The following CLDN16 variants were observed in gnomAD, a reference collection of about 807,000 sequenced individuals.
CLDN16 encodes claudin-16.
In CLDN16, 13 loss-of-function variants were observed where a neutral mutation model predicts 24.6. That is an observed-to-expected ratio of 0.53 (90% CI 0.34 to 0.84). CLDN16 has a LOEUF of 0.84. Among genes scored for constraint, CLDN16 ranks in the 40% least tolerant of loss-of-function variants. The pLI is 0.01. For synonymous variants in CLDN16, 116 were observed against 106.7 expected (o/e 1.09, Z -0.54); for missense variants, 298 against 292.7 (o/e 1.02, Z -0.13).
At chr3:190,334,488 A>G (rs1717255250) in intron 1 of CLDN16, among the ~76,000 whole-genome samples, 1 of 152,222 alleles carries the variant, frequency 6.6e-6, no homozygotes, top group African/African-American at 2.4e-5. Flanking sequence ...CAAGCACTGG[A>G]CAATTTTTTG....
chr3:190,322,480 T>G (rs1716956718), upstream of CLDN16: 2 of 468,448 alleles, frequency 4.3e-6, no homozygotes, highest in Non-Finnish European at 7.8e-6. Context: ...TTAAAGCAGC[T>G]CCGCCCGCCT....
At chr3:190,361,272 TCA>T (rs1303774554) in intron 1 of CLDN16, among the ~76,000 whole-genome samples, 1 of 152,002 alleles carries the variant, frequency 6.6e-6, no homozygotes, top group Non-Finnish European at 1.5e-5. Flanking sequence ...TTGCATTATC[TCA>T]GTTAGTCCTT....
intron 1 of CLDN16, among the ~76,000 whole-genome samples, chr3:190,335,708 C>CAAAAAAAA (rs34082811): frequency 5.0e-5 from 3 of 60,146 alleles, no homozygotes; most frequent in African/African-American, 6.5e-5. Context: ...AAGACTCCAT[C>CAAAAAAAA]AAAAAAAAAA....
At chr3:190,363,263 A>G (rs73062538) in intron 1 of CLDN16, among the ~76,000 whole-genome samples, 2,468 of 151,560 alleles carry the variant, frequency 0.016, 73 homozygotes, top group African/African-American at 0.058. Context: ...CAAGTATTGC[A>G]TATCTTAGTT....
At chr3:190,340,433 T>C (rs1183086235) in intron 1 of CLDN16, among the ~76,000 whole-genome samples, 1 of 152,140 alleles carries the variant, frequency 6.6e-6, no homozygotes, top group African/African-American at 2.4e-5. Context: ...GACAAGAGCT[T>C]GTGCAGGGGA....
At chr3:190,394,665 T>C (rs1368833044) in intron 1 of CLDN16, among the ~76,000 whole-genome samples, 1 of 152,144 alleles carries the variant, frequency 6.6e-6, no homozygotes, top group Admixed American at 6.5e-5. Flanking sequence ...ATGCATTTGC[T>C]CACATGAGTT....
At chr3:190,363,065 C>T (rs1326243436) in intron 1 of CLDN16, among the ~76,000 whole-genome samples, 1 of 151,896 alleles carries the variant, frequency 6.6e-6, no homozygotes, top group African/African-American at 2.4e-5. Context: ...CCAATTTCTC[C>T]TTTCCTTCAG....
intron 1 of CLDN16, among the ~76,000 whole-genome samples, chr3:190,329,190 G>A (rs1001566496): frequency 6.6e-6 from 1 of 152,124 alleles, no homozygotes; most frequent in Non-Finnish European, 1.5e-5. Flanking sequence ...TTTAGGGATG[G>A]GTTGGTGAGA....
chr3:190,387,364 T>TC (rs1021210830), upstream of CLDN16, among the ~76,000 whole-genome samples: 16 of 151,472 alleles, frequency 1.1e-4, no homozygotes, highest in Non-Finnish European at 2.2e-4. Context: ...ATATAACAGT[T>TC]TTTTTTTCTT....
intron 1 of CLDN16, among the ~76,000 whole-genome samples, chr3:190,327,214 T>G (rs1717084612): frequency 6.6e-6 from 1 of 152,212 alleles, no homozygotes; most frequent in African/African-American, 2.4e-5. Flanking sequence ...ATTTTTTAGG[T>G]TTCAGAATTC....
chr3:190,300,572 A>G, the CLDN16 span, among the ~76,000 whole-genome samples: 1 of 152,234 alleles, frequency 6.6e-6, no homozygotes, highest in African/African-American at 2.4e-5. Flanking sequence ...GAATATTAGG[A>G]ATATATGATA....
intron 3 of CLDN16, 40 bp from the exon 4 acceptor site, chr3:190,408,274 A>C (rs369355395): frequency 2.8e-5 from 44 of 1,581,326 alleles, no homozygotes; most frequent in Non-Finnish European, 3.7e-5. Flanking sequence ...AAATTCAGAA[A>C]ATGTCCCCTA....
At chr3:190,356,022 G>T (rs1717763570) in intron 1 of CLDN16, among the ~76,000 whole-genome samples, 1 of 151,576 alleles carries the variant, frequency 6.6e-6, no homozygotes, top group African/African-American at 2.4e-5. Flanking sequence ...ATTATTTTAG[G>T]TCCAGTTCAG....
chr3:190,304,756 G>T, the CLDN16 span, among the ~76,000 whole-genome samples: 1 of 152,134 alleles, frequency 6.6e-6, no homozygotes, highest in East Asian at 1.9e-4. Flanking sequence ...TAAAATGAAG[G>T]AAATATACAC....
intron 1 of CLDN16, among the ~76,000 whole-genome samples, chr3:190,355,337 C>T (rs541127480): frequency 6.6e-6 from 1 of 151,776 alleles, no homozygotes; most frequent in Admixed American, 6.6e-5. Flanking sequence ...CTTTTCTTTA[C>T]CTCCACCTTA....
At chr3:190,308,326 G>A in the CLDN16 span, 4 of 1,613,782 alleles carry the variant, frequency 2.5e-6, no homozygotes, top group East Asian at 6.7e-5. Flanking sequence ...ATAGGGCCTT[G>A]GTGTTGGGTA....
At chr3:190,347,576 C>G (rs993243760) in intron 1 of CLDN16, among the ~76,000 whole-genome samples, 2 of 152,268 alleles carry the variant, frequency 1.3e-5, no homozygotes, top group South Asian at 4.1e-4. Context: ...ATCAAGGACA[C>G]AGTTGTGAAT....
At chr3:190,298,604 T>G in the CLDN16 span, among the ~76,000 whole-genome samples, 13 of 152,112 alleles carry the variant, frequency 8.5e-5, no homozygotes, top group South Asian at 2.7e-3. Context: ...TACAGGCATG[T>G]GCCACCACGC....
chr3:190,396,267 A>G (rs900393998), intron 1 of CLDN16, among the ~76,000 whole-genome samples: 2 of 152,180 alleles, frequency 1.3e-5, no homozygotes, highest in Non-Finnish European at 2.9e-5. Context: ...ACTGTGGTAA[A>G]CACTTTCCAG....
Sources: allele counts gnomAD v4.1 joint callset (sites outside exome capture counted in the v4.1 genomes callset), GRCh38; gene constraint gnomAD v4.1.1; transcripts MANE v1.5; gene names NCBI Gene and HGNC (gene_info 2026-07-23, HGNC 2026-07-21).